The following GALNT16 variants were observed in gnomAD, a reference collection of about 807,000 sequenced individuals.
GALNT16 encodes the protein polypeptide N-acetylgalactosaminyltransferase 16.
In GALNT16, 40 loss-of-function variants were observed where a neutral mutation model predicts 76.1. That is an observed-to-expected ratio of 0.53 (90% CI 0.41 to 0.68). The LOEUF (loss-of-function observed/expected upper bound fraction) is 0.68, where lower values mean the gene tolerates loss of function less well. GALNT16 is among the 30% of genes least tolerant of loss of function. The pLI is 0.00. For missense variants in GALNT16, 621 were observed against 731.9 expected, an observed-to-expected ratio of 0.85 and a Z score of 1.75; for synonymous variants, 276 against 285.2, an observed-to-expected ratio of 0.97 and a Z score of 0.32.
At chr14:69,306,883 G>C (rs754198405) in intron 1 of GALNT16, among the ~76,000 whole-genome samples, 9 of 152,128 alleles carry the variant, frequency 5.9e-5, no homozygotes, top group Admixed American at 1.3e-4. Context: ...CCATTCCGGT[G>C]GCTTAAAAAC....
intron 6 of GALNT16, among the ~76,000 whole-genome samples, chr14:69,328,945 G>A (rs187931380): frequency 2.0e-5 from 3 of 152,312 alleles, no homozygotes; most frequent in Non-Finnish European, 2.9e-5. Context: ...AGAGGAGAGG[G>A]TAGGAGGGCC....
At chr14:69,260,509 C>T in intron 1 of GALNT16, 42 bp downstream of exon 1, 1 of 1,306,302 alleles carries the variant, frequency 7.7e-7, no homozygotes, top group Non-Finnish European at 9.7e-7. Flanking sequence ...TAGGGAGCCG[C>T]GGCGCGCGTC....
chr14:69,346,805 C>T (rs1406168155), intron 12 of GALNT16, among the ~76,000 whole-genome samples: 1 of 152,166 alleles, frequency 6.6e-6, no homozygotes, highest in Non-Finnish European at 1.5e-5. Context: ...GTCTCAGGCC[C>T]AGCCTCCAGG....
the GALNT16 span, among the ~76,000 whole-genome samples, chr14:69,376,819 T>C: frequency 6.6e-6 from 1 of 152,102 alleles, no homozygotes; most frequent in East Asian, 1.9e-4. Context: ...TGGGAAGACA[T>C]GGCCTTGTGT....
At chr14:69,327,479 T>G (rs1372870992) in intron 5 of GALNT16, among the ~76,000 whole-genome samples, 3 of 152,340 alleles carry the variant, frequency 2.0e-5, no homozygotes, top group South Asian at 4.1e-4. Context: ...GCCACTGGGC[T>G]GTAGGTACCG....
At chr14:69,291,555 T>G (rs1293909331) in intron 1 of GALNT16, among the ~76,000 whole-genome samples, 1 of 152,132 alleles carries the variant, frequency 6.6e-6, no homozygotes, top group Non-Finnish European at 1.5e-5. Context: ...TCCACAGACA[T>G]GCGCCAAGCC....
the GALNT16 span, among the ~76,000 whole-genome samples, chr14:69,384,827 C>A: frequency 6.6e-6 from 1 of 152,182 alleles, no homozygotes; most frequent in Non-Finnish European, 1.5e-5. Context: ...AATTAATATA[C>A]ACATTATTGG....
At chr14:69,303,863 T>C (rs1013957450) in intron 1 of GALNT16, among the ~76,000 whole-genome samples, 4 of 152,186 alleles carry the variant, frequency 2.6e-5, no homozygotes, top group Non-Finnish European at 4.4e-5. Context: ...GTATAATTAT[T>C]CAGCAAGATA....
At chr14:69,264,931 A>C (rs1038073093) in intron 1 of GALNT16, among the ~76,000 whole-genome samples, 1 of 149,896 alleles carries the variant, frequency 6.7e-6, no homozygotes, top group African/African-American at 2.5e-5. Context: ...CCCCTGCCTC[A>C]GCATCCTGAA....
At chr14:69,309,301 CTT>C (rs531638001) in intron 1 of GALNT16, among the ~76,000 whole-genome samples, 16 of 141,642 alleles carry the variant, frequency 1.1e-4, no homozygotes, top group Middle Eastern at 3.3e-3. Context: ...TCTTTTCCTT[CTT>C]TTTTTTTTTT....
chr14:69,320,145 C>T (rs891727944), intron 1 of GALNT16, among the ~76,000 whole-genome samples: 3 of 152,220 alleles, frequency 2.0e-5, no homozygotes, highest in Non-Finnish European at 1.5e-5. Flanking sequence ...GTCGGAATGA[C>T]CAGTTTAAAT....
intron 1 of GALNT16, among the ~76,000 whole-genome samples, chr14:69,282,755 T>A (rs28718609): frequency 0.16 from 23,978 of 151,992 alleles, 2,094 homozygotes; most frequent in African/African-American, 0.21. Flanking sequence ...AACGTCCGCC[T>A]CCCAGGTTCA....
At chr14:69,374,462 G>C in the GALNT16 span, among the ~76,000 whole-genome samples, 3 of 152,062 alleles carry the variant, frequency 2.0e-5, no homozygotes, top group Non-Finnish European at 4.4e-5. Flanking sequence ...CTATATACCA[G>C]GCATTTTCCT....
Position 69,308,176 on chromosome 14 carries a change from A to G in GALNT16, c.178-12535A>G, listed in dbSNP as rs969742237. On this transcript the variant is annotated intron_variant, in intron 1 of 14. Coordinates refer to ENST00000448469, the MANE Select transcript of GALNT16 (RefSeq NM_001168368.2). Reference sequence around the variant, plus strand: ...ATCAATGTATTTATCCCTGAGTTTCACTCTGAGGATGATGATGATAATGAT... The same window carrying G: ...ATCAATGTATTTATCCCTGAGTTTCGCTCTGAGGATGATGATGATAATGAT... Among the ~76,000 whole-genome samples the G allele has an allele frequency of 2.0e-5, 3 of 152,004 alleles. No individual in the cohort carries two copies. The South Asian group carries it at 6.2e-4, about 32-fold the overall frequency.
intron 14 of GALNT16, chr14:69,350,319 T>G (rs763994029): frequency 6.6e-6 from 1 of 152,190 alleles, no homozygotes; most frequent in Non-Finnish European, 1.5e-5. Flanking sequence ...GAATTTGCAC[T>G]TTAGTGGAAG....
In GALNT16 at chr14:69,313,994, C is replaced by A. The variant is rs550195250; in HGVS notation, c.178-6717C>A. 5.3e-5 allele frequency among the ~76,000 whole-genome samples: 8 copies of A among 152,352 alleles called. No homozygotes were observed. In the South Asian group the frequency reaches 1.7e-3, roughly 32 times the overall value. On this transcript the variant is annotated intron_variant, in intron 1 of 14. Coordinates refer to ENST00000448469, the MANE Select transcript of GALNT16 (RefSeq NM_001168368.2). ...GTTTGTACAAAGCAGCGGCTCTCAA[C>A]TTGGTAGCACATTGGAACTGCCTGG...
chr14:69,323,366 T>G (rs539742833), intron 2 of GALNT16, among the ~76,000 whole-genome samples: 17 of 152,318 alleles, frequency 1.1e-4, no homozygotes, highest in Admixed American at 3.9e-4. Flanking sequence ...CCGAAAGGGC[T>G]GGAGGGAGCC....
chr14:69,363,497 A>G, the GALNT16 span, among the ~76,000 whole-genome samples: 5 of 152,316 alleles, frequency 3.3e-5, no homozygotes, highest in African/African-American at 1.2e-4. Flanking sequence ...AGGGATAATA[A>G]TAACTACTTC....
At chr14:69,296,641 C>T (rs749075184) in intron 1 of GALNT16, among the ~76,000 whole-genome samples, 10 of 150,964 alleles carry the variant, frequency 6.6e-5, no homozygotes, top group African/African-American at 2.0e-4. Context: ...TGCAGTGAGC[C>T]GAGATCACAC....
Sources: allele counts gnomAD v4.1 joint callset (sites outside exome capture counted in the v4.1 genomes callset), GRCh38; gene constraint gnomAD v4.1.1; transcripts MANE v1.5; gene names NCBI Gene and HGNC (gene_info 2026-07-23, HGNC 2026-07-21).